Variants in TAFA1 observed in about 807,000 individuals in gnomAD.
TAFA1 encodes the protein chemokine-like protein TAFA-1.
A neutral mutation model predicts 18.5 loss-of-function variants in TAFA1; 4 were observed. That is an observed-to-expected ratio of 0.22 (90% CI 0.11 to 0.49). The LOEUF is 0.49. Among genes scored for constraint, TAFA1 ranks in the 20% least tolerant of loss-of-function variants. The pLI is 0.98. For missense variants in TAFA1, 147 were observed against 169.0 expected, an observed-to-expected ratio of 0.87 and a Z score of 0.72; for synonymous variants, 56 against 55.2, an observed-to-expected ratio of 1.01 and a Z score of -0.06.
rs112302135 is a variant in TAFA1 at position 68,168,509 on chromosome 3, G to A, written c.118+161765G>A. 9.2e-5 allele frequency among the ~76,000 whole-genome samples: 14 copies of A among 152,330 alleles called. No individual in the cohort carries two copies. The East Asian group carries it at 2.3e-3, about 25-fold the overall frequency. ...AATAGTCATAATGTAGACCTTGACT[G>A]GTTATAAATAATGTCTTCTTAATTC... On this transcript the variant is annotated intron_variant, in intron 2 of 4. Coordinates refer to ENST00000478136, the MANE Select transcript of TAFA1 (RefSeq NM_213609.4).
intron 2 of TAFA1, among the ~76,000 whole-genome samples, chr3:68,101,727 T>C (rs73110716): frequency 0.018 from 2,726 of 152,280 alleles, 36 homozygotes; most frequent in Non-Finnish European, 0.025. Flanking sequence ...CTAGGTTCTA[T>C]TGGAGACGGT....
At chr3:68,459,210 G>A (rs1441187835) in intron 3 of TAFA1, among the ~76,000 whole-genome samples, 1 of 152,200 alleles carries the variant, frequency 6.6e-6, no homozygotes, top group Admixed American at 6.5e-5. Context: ...CTGAGGGAAT[G>A]AGTGTCTTGT....
chr3:68,330,666 C>T (rs192019756), intron 2 of TAFA1, among the ~76,000 whole-genome samples: 6 of 152,278 alleles, frequency 3.9e-5, no homozygotes, highest in Admixed American at 2.0e-4. Context: ...CCTTGGGTCA[C>T]ATAACTAGTA....
intron 4 of TAFA1, among the ~76,000 whole-genome samples, chr3:68,544,096 C>T (rs1040678389): frequency 3.3e-5 from 5 of 151,916 alleles, no homozygotes; most frequent in Non-Finnish European, 7.4e-5. Flanking sequence ...AAGTGCAGGG[C>T]CCTTGTTTAA....
chr3:68,197,716 T>G (rs750417646), intron 2 of TAFA1, among the ~76,000 whole-genome samples: 11 of 151,642 alleles, frequency 7.3e-5, no homozygotes, highest in Non-Finnish European at 1.2e-4. Flanking sequence ...AGCCCTTGTT[T>G]AAAAACTTAA....
At chr3:68,039,110 A>G (rs1166008255) in intron 2 of TAFA1, among the ~76,000 whole-genome samples, 1 of 152,180 alleles carries the variant, frequency 6.6e-6, no homozygotes, top group Non-Finnish European at 1.5e-5. Context: ...TCCCCATATC[A>G]GCACTAGTTG....
At chr3:68,187,166 T>C (rs1486345920) in intron 2 of TAFA1, among the ~76,000 whole-genome samples, 2 of 152,048 alleles carry the variant, frequency 1.3e-5, no homozygotes, top group African/African-American at 4.8e-5. Flanking sequence ...ATATTGTCTT[T>C]TACGTGTGTC....
At chr3:68,047,358 G>A (rs2064402239) in intron 2 of TAFA1, among the ~76,000 whole-genome samples, 3 of 152,102 alleles carry the variant, frequency 2.0e-5, no homozygotes, top group African/African-American at 7.2e-5. Context: ...CATAAAATAT[G>A]AGAAAAATGC....
chr3:68,389,405 C>T (rs1297692906), intron 2 of TAFA1, among the ~76,000 whole-genome samples: 1 of 152,062 alleles, frequency 6.6e-6, no homozygotes, highest in Admixed American at 6.6e-5. Flanking sequence ...ATGAATAAGG[C>T]ATTTAATATC....
intron 2 of TAFA1, among the ~76,000 whole-genome samples, chr3:68,087,053 T>C (rs1169187876): frequency 6.6e-6 from 1 of 152,228 alleles, no homozygotes; most frequent in Admixed American, 6.5e-5. Context: ...GTTTGGCATT[T>C]GTGGCTTTTT....
chr3:68,049,749 T>A (rs898687915), intron 2 of TAFA1, among the ~76,000 whole-genome samples: 1 of 152,054 alleles, frequency 6.6e-6, no homozygotes, highest in Non-Finnish European at 1.5e-5. Context: ...TTGACTGCCA[T>A]CATAACAGAA....
chr3:68,009,437 A>C (rs1704427586), intron 2 of TAFA1, among the ~76,000 whole-genome samples: 1 of 152,198 alleles, frequency 6.6e-6, no homozygotes, highest in Middle Eastern at 3.2e-3. Context: ...CTTCCTTAGA[A>C]TTTGTGTATT....
At chr3:68,219,807 G>T (rs1295643798) in intron 2 of TAFA1, among the ~76,000 whole-genome samples, 1 of 151,964 alleles carries the variant, frequency 6.6e-6, no homozygotes, top group African/African-American at 2.4e-5. Context: ...TTTACAGGGT[G>T]TATACACCCA....
At chr3:68,319,696 C>T (rs563172062) in intron 2 of TAFA1, among the ~76,000 whole-genome samples, 2 of 152,262 alleles carry the variant, frequency 1.3e-5, no homozygotes, top group African/African-American at 4.8e-5. Context: ...TTCATGTCCC[C>T]ATCCCAAAAT....
Position 68,363,999 on chromosome 3 carries a change from A to C in TAFA1, c.119-53281A>C, listed in dbSNP as rs2069521719. Among the ~76,000 whole-genome samples, 3 of 152,200 alleles carry C rather than the reference A, an allele frequency of 2.0e-5. No homozygotes were observed. In the South Asian group the frequency reaches 6.2e-4, roughly 32 times the overall value. On this transcript the variant is annotated intron_variant, in intron 2 of 4. Coordinates refer to ENST00000478136, the MANE Select transcript of TAFA1 (RefSeq NM_213609.4). ...CTGATGGATTTGGTGGCTTGAAAGC[A>C]TGAGCTACTAGAGGTTAGGAATCTC...
chr3:68,512,223 TC>T (rs1018963492), intron 3 of TAFA1, among the ~76,000 whole-genome samples: 1 of 152,158 alleles, frequency 6.6e-6, no homozygotes, highest in African/African-American at 2.4e-5. Flanking sequence ...TCAATCTGTG[TC>T]TTTCATCATT....
At chr3:68,353,297 T>C (rs2069303239) in intron 2 of TAFA1, among the ~76,000 whole-genome samples, 1 of 152,102 alleles carries the variant, frequency 6.6e-6, no homozygotes, top group South Asian at 2.1e-4. Context: ...GTTGTCTCTG[T>C]TCCTAGAAGT....
At chr3:68,089,546 G>A (rs536205551) in intron 2 of TAFA1, among the ~76,000 whole-genome samples, 12 of 152,236 alleles carry the variant, frequency 7.9e-5, no homozygotes, top group African/African-American at 2.6e-4. Context: ...GCAAATACCA[G>A]ACATTTATTT....
At chr3:68,178,060 C>T (rs1029584564) in intron 2 of TAFA1, among the ~76,000 whole-genome samples, 6 of 152,028 alleles carry the variant, frequency 3.9e-5, no homozygotes, top group Non-Finnish European at 8.8e-5. Flanking sequence ...AGGAGAATGG[C>T]GTGAACCTGG....
Sources: gnomAD v4.1 joint callset for allele counts (sites outside exome capture counted in the v4.1 genomes callset) on GRCh38, gnomAD v4.1.1 for gene constraint, MANE v1.5 for transcripts, NCBI Gene and HGNC (gene_info 2026-07-23, HGNC 2026-07-21) for gene names.